Variants in ZBBX observed in about 807,000 individuals in gnomAD.
ZBBX encodes zinc finger B-box domain-containing protein 1.
Under a neutral mutation model 108.5 loss-of-function variants are expected in ZBBX, and 101 were observed. That is an observed-to-expected ratio of 0.93 (90% CI 0.79 to 1.10). ZBBX has a LOEUF of 1.10. Ranked by LOEUF, ZBBX falls within the 50% of genes least tolerant of loss-of-function variation. The probability of loss-of-function intolerance (pLI) is 0.00; values close to 1 mark genes in which losing one functional copy is unlikely to be tolerated. For synonymous variants in ZBBX, 356 were observed against 323.4 expected (o/e 1.10, Z -1.08); for missense variants, 1,009 against 941.4 (o/e 1.07, Z -0.94).
At position 167,328,119 on chromosome 3, in the gene ZBBX, A is replaced by C. The variant is rs1363886340; in HGVS notation, c.688-3T>G. ...CTTTTCATCGTTGTAATTTCTACCT[A>C]ATTAAAAGGATACATAGGCATGCTT... On this transcript the variant is annotated splice_region_variant and splice_polypyrimidine_tract_variant and intron_variant, in intron 10 of 21. Coordinates refer to ENST00000675490, the MANE Select transcript of ZBBX (RefSeq NM_001199201.2). The C allele has an allele frequency of 6.2e-7, 1 of 1,607,296 alleles. No individual in the cohort carries two copies. Among genetic ancestry groups the C allele is most frequent in the South Asian group, 1.1e-5 (1 of 89,380 alleles).
At chr3:167,405,708 G>A (rs908389304) in intron 1 of ZBBX, among the ~76,000 whole-genome samples, 1 of 152,176 alleles carries the variant, frequency 6.6e-6, no homozygotes, top group Non-Finnish European at 1.5e-5. Flanking sequence ...TGGTAAGCTG[G>A]TACCACCAAT....
chr3:167,179,935 G>A, the ZBBX span, among the ~76,000 whole-genome samples: 2,017 of 152,254 alleles, frequency 0.013, 52 homozygotes, highest in African/African-American at 0.046. Context: ...AAAGGCTTGC[G>A]GTATTTTTGC....
At chr3:167,230,607 A>C in the ZBBX span, among the ~76,000 whole-genome samples, 1 of 151,766 alleles carries the variant, frequency 6.6e-6, no homozygotes, top group Non-Finnish European at 1.5e-5. Flanking sequence ...AAGGGAGTCA[A>C]GGTAAAGGTC....
chr3:167,237,699 G>C (rs181574707), downstream of ZBBX, among the ~76,000 whole-genome samples: 2 of 151,970 alleles, frequency 1.3e-5, no homozygotes, highest in East Asian at 3.9e-4. Flanking sequence ...AAAGCAGAAG[G>C]GGGCCTAGTC....
chr3:167,294,092 A>G (rs1025568199), intron 18 of ZBBX, among the ~76,000 whole-genome samples: 4 of 152,236 alleles, frequency 2.6e-5, no homozygotes, highest in African/African-American at 9.7e-5. Flanking sequence ...GATTGGAAGA[A>G]TCAATATCAT....
At position 167,282,240 on chromosome 3, in the gene ZBBX, G is replaced by T; in HGVS notation, c.2252C>A (p.Ala751Glu). The change falls in exon 20 of 22, where the codon GCA becomes GAA. Residue 751 changes from alanine (A) to glutamate (E), a missense_variant and splice_region_variant. Physicochemically the swap from Ala to Glu is moderately radical, Grantham distance 107 (BLOSUM62 -1). Transcript: ENST00000675490. Reference protein sequence around the residue: ...EKELQVLRSLADTSEKLYSLT... With the variant: ...EKELQVLRSLEDTSEKLYSLT... ...AGTGAAAAAAAAAATAGGATTACCT[G>T]CAAGAGATCTCAGCACTTGTAATTC... 6.2e-7 allele frequency: 1 copy of T among 1,606,362 alleles called. No individual in the cohort carries two copies.
intron 15 of ZBBX, among the ~76,000 whole-genome samples, chr3:167,315,177 A>G (rs376560699): frequency 6.6e-6 from 1 of 152,188 alleles, no homozygotes; most frequent in East Asian, 1.9e-4. Flanking sequence ...AGCAGAAAGT[A>G]ACTGTTTTAA....
intron 12 of ZBBX, among the ~76,000 whole-genome samples, chr3:167,319,813 T>C (rs1006210658): frequency 6.6e-6 from 1 of 152,012 alleles, no homozygotes; most frequent in African/African-American, 2.4e-5. Flanking sequence ...TTAATAAATA[T>C]ATTATAGATA....
chr3:167,267,542 T>C (rs73879643), intron 20 of ZBBX, among the ~76,000 whole-genome samples: 3,918 of 152,250 alleles, frequency 0.026, 161 homozygotes, highest in African/African-American at 0.089. Context: ...TTGAGAGAAC[T>C]AAACATAAGA....
chr3:167,310,576 T>C (rs941389930), intron 16 of ZBBX, among the ~76,000 whole-genome samples: 1 of 152,194 alleles, frequency 6.6e-6, no homozygotes, highest in South Asian at 2.1e-4. Flanking sequence ...AAGGCATGTA[T>C]TACATGTTGG....
At chr3:167,275,583 C>T (rs1410319476) in intron 20 of ZBBX, among the ~76,000 whole-genome samples, 7 of 152,196 alleles carry the variant, frequency 4.6e-5, no homozygotes, top group Non-Finnish European at 7.3e-5. Context: ...GCTTAAAAAA[C>T]GGCGCACCAG....
the ZBBX span, among the ~76,000 whole-genome samples, chr3:167,190,793 G>A: frequency 6.6e-6 from 1 of 152,210 alleles, no homozygotes; most frequent in Non-Finnish European, 1.5e-5. Flanking sequence ...ATGAGTTGAG[G>A]TGGGGGCACA....
At chr3:167,216,477 C>T in the ZBBX span, among the ~76,000 whole-genome samples, 2 of 152,106 alleles carry the variant, frequency 1.3e-5, no homozygotes, top group African/African-American at 2.4e-5. Context: ...TCAAAGAAGA[C>T]ACACACAAAT....
At chr3:167,366,553 A>AAATAACAAT (rs1467999640) in intron 5 of ZBBX, among the ~76,000 whole-genome samples, 2 of 152,034 alleles carry the variant, frequency 1.3e-5, no homozygotes, top group African/African-American at 4.8e-5. Context: ...TATCATTAAA[A>AAATAACAAT]AATAACAATA....
At chr3:167,263,489 T>A (rs1301937404) in intron 20 of ZBBX, among the ~76,000 whole-genome samples, 4 of 152,234 alleles carry the variant, frequency 2.6e-5, no homozygotes, top group Non-Finnish European at 5.9e-5. Context: ...GATACACTGG[T>A]CATTTGGGAG....
chr3:167,201,068 TCC>T, the ZBBX span, among the ~76,000 whole-genome samples: 3 of 152,136 alleles, frequency 2.0e-5, no homozygotes, highest in Non-Finnish European at 4.4e-5. Context: ...TGCTTCAAAA[TCC>T]CCTGTATGTT....
At chr3:167,220,838 C>T in the ZBBX span, among the ~76,000 whole-genome samples, 1 of 151,652 alleles carries the variant, frequency 6.6e-6, no homozygotes, top group Non-Finnish European at 1.5e-5. Context: ...GTCTAAAGAC[C>T]ACCAAAAAAC....
intron 1 of ZBBX, among the ~76,000 whole-genome samples, chr3:167,400,778 G>A (rs1407308148): frequency 6.6e-6 from 1 of 152,020 alleles, no homozygotes; most frequent in Non-Finnish European, 1.5e-5. Context: ...GATGAACATT[G>A]ATTGGTCCAG....
At chr3:167,346,492 G>A (rs920756551) in intron 9 of ZBBX, among the ~76,000 whole-genome samples, 4 of 151,874 alleles carry the variant, frequency 2.6e-5, no homozygotes, top group Non-Finnish European at 1.5e-5. Context: ...GGCTGAAACA[G>A]TTTACAACTA....
Sources: allele counts gnomAD v4.1 joint callset (sites outside exome capture counted in the v4.1 genomes callset), GRCh38; gene constraint gnomAD v4.1.1; transcripts MANE v1.5; gene names NCBI Gene and HGNC (gene_info 2026-07-23, HGNC 2026-07-21).